Variants in COL24A1 observed in about 807,000 individuals in gnomAD.
The protein encoded by COL24A1 is collagen alpha-1(XXIV) chain.
Under a neutral mutation model 253.9 loss-of-function variants are expected in COL24A1, and 224 were observed. The observed-to-expected ratio is 0.88, with a 90% confidence interval of 0.79 to 0.99. The LOEUF (loss-of-function observed/expected upper bound fraction) is 0.99. Ranked by LOEUF, COL24A1 falls within the 50% of genes least tolerant of loss-of-function variation. The pLI is 0.00. For missense variants in COL24A1, 2,131 were observed against 2,068.5 expected (o/e 1.03, Z -0.59); for synonymous variants, 685 against 673.7 (o/e 1.02, Z -0.26).
intron 57 of COL24A1, among the ~76,000 whole-genome samples, chr1:85,742,262 G>C (rs549528172): frequency 6.6e-6 from 1 of 151,720 alleles, no homozygotes; most frequent in African/African-American, 2.4e-5. Flanking sequence ...CTCCTGAGTA[G>C]CTGGGACTAC....
At chr1:85,865,432 T>C (rs187658460) in intron 37 of COL24A1, among the ~76,000 whole-genome samples, 18 of 152,326 alleles carry the variant, frequency 1.2e-4, no homozygotes, top group Admixed American at 6.5e-4. Context: ...CATGTGGTGT[T>C]ACTAAAAAAA....
At chr1:85,978,687 T>C (rs1692939960) in intron 20 of COL24A1, among the ~76,000 whole-genome samples, 1 of 152,114 alleles carries the variant, frequency 6.6e-6, no homozygotes, top group Admixed American at 6.6e-5. Context: ...TCCAAATTGA[T>C]AAAACAATTA....
chr1:86,035,421 T>A (rs981249929), intron 12 of COL24A1, among the ~76,000 whole-genome samples: 2 of 152,144 alleles, frequency 1.3e-5, no homozygotes, highest in South Asian at 4.1e-4. Context: ...TGATTTTTTT[T>A]AGATAGATCA....
intron 35 of COL24A1, among the ~76,000 whole-genome samples, chr1:85,869,365 T>C (rs1172662325): frequency 2.0e-5 from 3 of 152,036 alleles, no homozygotes; most frequent in Non-Finnish European, 4.4e-5. Flanking sequence ...AGATACTCCT[T>C]GAGAAGAGCA....
At chr1:85,733,339 TAGTA>T (rs1356222314) in intron 59 of COL24A1, among the ~76,000 whole-genome samples, 3 of 152,202 alleles carry the variant, frequency 2.0e-5, no homozygotes, top group African/African-American at 4.8e-5. Flanking sequence ...AAGGGCCAGA[TAGTA>T]AGTATTTTAC....
chr1:85,813,844 C>A (rs951765732), intron 47 of COL24A1, among the ~76,000 whole-genome samples: 1 of 152,060 alleles, frequency 6.6e-6, no homozygotes, highest in Non-Finnish European at 1.5e-5. Context: ...AGCCACCGCG[C>A]CCGGCCTCAT....
At chr1:85,989,974 C>T (rs1294590122) in intron 19 of COL24A1, among the ~76,000 whole-genome samples, 1 of 152,136 alleles carries the variant, frequency 6.6e-6, no homozygotes, top group Non-Finnish European at 1.5e-5. Flanking sequence ...GTTTTGTTTT[C>T]CTAATCAGAT....
chr1:85,902,057 T>C (rs1247845602), intron 28 of COL24A1, among the ~76,000 whole-genome samples: 2 of 152,216 alleles, frequency 1.3e-5, no homozygotes, highest in East Asian at 3.9e-4. Flanking sequence ...GGAACATGGA[T>C]GGAACTGGAG....
chr1:86,148,240 A>C (rs1652186440), intron 1 of COL24A1, among the ~76,000 whole-genome samples: 1 of 152,114 alleles, frequency 6.6e-6, no homozygotes, highest in Non-Finnish European at 1.5e-5. Flanking sequence ...TCTGGAGTGC[A>C]GTGGAGCGAT....
chr1:85,986,928 C>T (rs1210954933), intron 20 of COL24A1, among the ~76,000 whole-genome samples: 2 of 151,782 alleles, frequency 1.3e-5, no homozygotes, highest in African/African-American at 4.8e-5. Context: ...TCTACATCAG[C>T]TTGCATGGCA....
At chr1:86,068,545 C>T (rs1465425557) in intron 7 of COL24A1, among the ~76,000 whole-genome samples, 1 of 152,114 alleles carries the variant, frequency 6.6e-6, no homozygotes, top group Admixed American at 6.5e-5. Context: ...CTGTCTAGGA[C>T]ACGACAACTG....
chr1:85,758,838 A>G (rs1235064650), intron 55 of COL24A1, among the ~76,000 whole-genome samples: 1 of 152,164 alleles, frequency 6.6e-6, no homozygotes, highest in Admixed American at 6.5e-5. Flanking sequence ...TAAAATTTAT[A>G]TAACATAAAA....
intron 31 of COL24A1, among the ~76,000 whole-genome samples, chr1:85,892,306 T>C (rs1683217875): frequency 6.6e-6 from 1 of 152,060 alleles, no homozygotes; most frequent in Non-Finnish European, 1.5e-5. Context: ...AAGTTATCTT[T>C]ATAGTGCTGA....
intron 20 of COL24A1, among the ~76,000 whole-genome samples, chr1:85,979,221 G>A: frequency 6.6e-6 from 1 of 152,080 alleles, no homozygotes; most frequent in Non-Finnish European, 1.5e-5. Context: ...AGTATTAAAT[G>A]CCTATATCAA....
intron 37 of COL24A1, among the ~76,000 whole-genome samples, chr1:85,859,258 A>G (rs1678860620): frequency 6.6e-6 from 1 of 152,238 alleles, no homozygotes; most frequent in Non-Finnish European, 1.5e-5. Flanking sequence ...GAAAATAATT[A>G]GCCCTAATCA....
intron 1 of COL24A1, among the ~76,000 whole-genome samples, chr1:86,153,232 C>G (rs1653014459): frequency 7.2e-6 from 1 of 138,366 alleles, no homozygotes; most frequent in Non-Finnish European, 1.6e-5. Context: ...CCCAAGACTG[C>G]TAGGTGCCCC....
chr1:86,010,329 A>G (rs75081991), intron 19 of COL24A1, among the ~76,000 whole-genome samples: 1 of 152,168 alleles, frequency 6.6e-6, no homozygotes, highest in African/African-American at 2.4e-5. Context: ...GTAAAGGGCT[A>G]ATTTCCCTAA....
intron 47 of COL24A1, among the ~76,000 whole-genome samples, chr1:85,810,645 T>C (rs1672437313): frequency 6.6e-6 from 1 of 152,124 alleles, no homozygotes; most frequent in Non-Finnish European, 1.5e-5. Flanking sequence ...GTCTTTCTGA[T>C]AATGAGTTCT....
rs766160976 is a variant in COL24A1 at position 85,965,107 on chromosome 1, A to C, written c.2464-45T>G. ...AAGAAGAAAGTATATATGTTTAGTC[A>C]TTCTCATTTTTGAAAGTTTCCTAAG... On this transcript the variant is annotated intron_variant, in intron 22 of 59. Transcript: ENST00000370571. 19 of 1,482,268 alleles carry C rather than the reference A, an allele frequency of 1.3e-5. No individual in the cohort carries two copies. In the South Asian group the frequency reaches 2.5e-4, roughly 20 times the overall value. 91.8% of individuals were successfully genotyped at this position (1,482,268 alleles called of 1,614,324 possible).
Sources: allele counts gnomAD v4.1 joint callset (sites outside exome capture counted in the v4.1 genomes callset), GRCh38; gene constraint gnomAD v4.1.1; transcripts MANE v1.5; gene names NCBI Gene and HGNC (gene_info 2026-07-23, HGNC 2026-07-21).